The following GPC5 variants were observed in gnomAD, a reference collection of about 807,000 sequenced individuals.
GPC5 encodes glypican-5.
In GPC5, 47 loss-of-function variants were observed where a neutral mutation model predicts 53.9. The ratio of observed to expected loss-of-function variants is 0.87; its 90% CI spans 0.69 to 1.11. GPC5 has a LOEUF of 1.11. Ranked by LOEUF, GPC5 falls within the 50% of genes most tolerant of loss-of-function variation. The probability of loss-of-function intolerance (pLI) is 0.00; values close to 1 mark genes in which losing one functional copy is unlikely to be tolerated. For missense variants in GPC5, 748 were observed against 713.1 expected, an observed-to-expected ratio of 1.05 and a Z score of -0.56; for synonymous variants, 286 against 263.3, an observed-to-expected ratio of 1.09 and a Z score of -0.84.
rs138977580 is a variant in GPC5 at position 92,177,551 on chromosome 13, A to G, written c.1561+32562A>G. On this transcript the variant is annotated intron_variant, in intron 7 of 7. Coordinates refer to ENST00000377067, the MANE Select transcript of GPC5 (RefSeq NM_004466.6). ...TGCTCTTTTATATTCTAATAACAGA[A>G]TAGCCACTAGTATGTTTTTTGTGTT... Among the ~76,000 whole-genome samples the G allele has an allele frequency of 4.8e-3, 735 of 152,292 alleles. 6 individuals are homozygous for G. Among genetic ancestry groups the G allele is most frequent in the African/African-American group, 0.017 (703 of 41,558 alleles).
At chr13:92,419,899 AG>A (rs1876485122) in intron 7 of GPC5, among the ~76,000 whole-genome samples, 1 of 152,024 alleles carries the variant, frequency 6.6e-6, no homozygotes, top group Non-Finnish European at 1.5e-5. Flanking sequence ...TTCGCACCTG[AG>A]GTCTTTGTCT....
intron 6 of GPC5, among the ~76,000 whole-genome samples, chr13:92,123,459 T>G (rs1320032387): frequency 1.3e-5 from 2 of 152,212 alleles, no homozygotes; most frequent in East Asian, 3.8e-4. Context: ...AATTGAACTT[T>G]CTTCTCATGT....
intron 6 of GPC5, among the ~76,000 whole-genome samples, chr13:92,071,850 G>T (rs1036360125): frequency 6.9e-6 from 1 of 145,172 alleles, no homozygotes; most frequent in Non-Finnish European, 1.5e-5. Flanking sequence ...TATATATAAC[G>T]AATTTATTAT....
intron 2 of GPC5, among the ~76,000 whole-genome samples, chr13:91,644,644 A>G (rs1430668206): frequency 2.0e-5 from 3 of 152,090 alleles, no homozygotes; most frequent in Non-Finnish European, 4.4e-5. Flanking sequence ...TGCTTTATTT[A>G]CTTATATATG....
At chr13:91,588,991 A>G (rs774257709) in intron 2 of GPC5, among the ~76,000 whole-genome samples, 1 of 152,172 alleles carries the variant, frequency 6.6e-6, no homozygotes, top group Non-Finnish European at 1.5e-5. Flanking sequence ...ATTACAAAAA[A>G]TTAGGGGTGG....
rs1880989596 is a variant in GPC5 at position 91,448,919 on chromosome 13, C to T, written c.322C>T (p.Gln108Ter). The change falls in exon 2 of 8, where the codon CAA becomes TAA. Residue 108 changes from glutamine (Q) to a stop codon, truncating the protein, a stop_gained. Transcript: ENST00000377067. LOFTEE classifies it high-confidence loss of function. ...FLISRNAAAF[Q>*]ETLETLIKQA... ...AATATCTCGAAATGCGGCTGCTTTTCAAGGTAAGTGGATCTTGAATTCTGC... is the reference window on the plus strand; with the variant it reads ...AATATCTCGAAATGCGGCTGCTTTTTAAGGTAAGTGGATCTTGAATTCTGC... 1 of 1,612,372 alleles carries T rather than the reference C, an allele frequency of 6.2e-7. No individual in the cohort carries two copies. The highest frequency in any genetic ancestry group is 1.7e-5 in the Admixed American group (1 of 59,794).
At chr13:92,774,048 C>T (rs1875705685) in intron 7 of GPC5, among the ~76,000 whole-genome samples, 1 of 152,114 alleles carries the variant, frequency 6.6e-6, no homozygotes, top group Admixed American at 6.5e-5. Flanking sequence ...GAGAAACCTG[C>T]CTGCATGATT....
intron 2 of GPC5, among the ~76,000 whole-genome samples, chr13:91,582,512 C>T (rs2032403760): frequency 6.6e-6 from 1 of 151,862 alleles, no homozygotes; most frequent in Admixed American, 6.6e-5. Context: ...ACAGAGGTTC[C>T]AGACAATGGA....
At chr13:91,532,202 A>C (rs1886380508) in intron 2 of GPC5, among the ~76,000 whole-genome samples, 1 of 152,206 alleles carries the variant, frequency 6.6e-6, no homozygotes, top group African/African-American at 2.4e-5. Flanking sequence ...GTTATTGTCA[A>C]AGCTCTGGCT....
At chr13:91,662,939 A>T (rs56382565) in intron 2 of GPC5, among the ~76,000 whole-genome samples, 5 of 152,130 alleles carry the variant, frequency 3.3e-5, no homozygotes, top group Non-Finnish European at 7.3e-5. Context: ...ACAGAGAGAG[A>T]TGGATAAATC....
intron 7 of GPC5, among the ~76,000 whole-genome samples, chr13:92,785,592 T>C (rs1876199555): frequency 6.6e-6 from 1 of 152,200 alleles, no homozygotes; most frequent in African/African-American, 2.4e-5. Context: ...ATAATCAACC[T>C]AGGAATCCAT....
chr13:91,621,780 T>TATATATATATATATATAG (rs2033866063), intron 2 of GPC5, among the ~76,000 whole-genome samples: 1 of 96,996 alleles, frequency 1.0e-5, no homozygotes, highest in Non-Finnish European at 2.4e-5. Flanking sequence ...TATATATATA[T>TATATATATATATATATAG]ATATATATAT....
At position 91,752,600 on chromosome 13, in the gene GPC5, T is replaced by C. The variant is rs149205923; in HGVS notation, c.1155-3695T>C. Among the ~76,000 whole-genome samples the C allele has an allele frequency of 1.1e-3, 163 of 152,364 alleles. 1 individual carries two copies. Among genetic ancestry groups the C allele is most frequent in the Non-Finnish European group, 1.7e-3 (114 of 68,024 alleles). On this transcript the variant is annotated intron_variant, in intron 4 of 7. Coordinates refer to ENST00000377067, the MANE Select transcript of GPC5 (RefSeq NM_004466.6). ...AAATTCACTCATTCTTTAGTTTTCA[T>C]AGTGCTTTAACTTTGAAGTTTTCTT...
At chr13:92,306,897 A>G (rs4085673) in intron 7 of GPC5, among the ~76,000 whole-genome samples, 50,563 of 152,118 alleles carry the variant, frequency 0.33, 9,242 homozygotes, top group African/African-American at 0.48. Context: ...CAGGTGAGGA[A>G]AGGAGGGATT....
intron 1 of GPC5, among the ~76,000 whole-genome samples, chr13:91,430,688 T>G (rs1365461157): frequency 6.6e-6 from 1 of 152,090 alleles, no homozygotes; most frequent in Non-Finnish European, 1.5e-5. Flanking sequence ...GTAACTAACA[T>G]TATACTCACT....
chr13:92,571,398 C>T (rs186114279), intron 7 of GPC5, among the ~76,000 whole-genome samples: 63 of 152,206 alleles, frequency 4.1e-4, no homozygotes, highest in Middle Eastern at 3.4e-3. Flanking sequence ...CCAGGCCATG[C>T]GCCATGGTGT....
intron 4 of GPC5, among the ~76,000 whole-genome samples, chr13:91,732,945 T>C (rs910408192): frequency 6.6e-6 from 1 of 152,150 alleles, no homozygotes; most frequent in Non-Finnish European, 1.5e-5. Context: ...TAGTTTGAGG[T>C]CAGGTGGTGT....
chr13:92,347,891 TTA>T (rs1230964686), intron 7 of GPC5, among the ~76,000 whole-genome samples: 1 of 16,360 alleles, frequency 6.1e-5, no homozygotes. Flanking sequence ...ATTATATATA[TTA>T]TATATATAAT....
At chr13:91,879,664 C>CA (rs1409968825) in intron 5 of GPC5, among the ~76,000 whole-genome samples, 2 of 152,176 alleles carry the variant, frequency 1.3e-5, no homozygotes, top group African/African-American at 4.8e-5. Flanking sequence ...CCAAAAGCGC[C>CA]ATCTCCAAAA....
Sources: gnomAD v4.1 joint callset for allele counts (sites outside exome capture counted in the v4.1 genomes callset) on GRCh38, gnomAD v4.1.1 for gene constraint, MANE v1.5 for transcripts, NCBI Gene and HGNC (gene_info 2026-07-23, HGNC 2026-07-21) for gene names.